The following BICC1 variants were observed in gnomAD, a reference collection of about 807,000 sequenced individuals.
The protein encoded by BICC1 is BicC family RNA binding protein 1, also known as protein bicaudal C homolog 1.
In BICC1, 43 loss-of-function variants were observed where a neutral mutation model predicts 111.0. The observed-to-expected ratio is 0.39, with a 90% CI of 0.30 to 0.50. BICC1 has a LOEUF of 0.50. Ranked by LOEUF, BICC1 falls within the 20% of genes least tolerant of loss-of-function variation. BICC1 has a pLI of 0.88. For missense variants in BICC1, 1,091 were observed against 1,203.2 expected (o/e 0.91, Z 1.38); for synonymous variants, 467 against 434.4 (o/e 1.07, Z -0.93).
At chr10:58,771,461 G>T (rs1274373393) in intron 3 of BICC1, among the ~76,000 whole-genome samples, 1 of 152,104 alleles carries the variant, frequency 6.6e-6, no homozygotes, top group Non-Finnish European at 1.5e-5. Flanking sequence ...CAGGTATATG[G>T]ATAATGGGGT....
chr10:58,590,021 G>A (rs921096751), intron 1 of BICC1, among the ~76,000 whole-genome samples: 8 of 151,972 alleles, frequency 5.3e-5, no homozygotes, highest in Non-Finnish European at 7.4e-5. Context: ...TTTATTTCCA[G>A]GAAATCTACA....
At chr10:58,537,224 G>A (rs1842848557) in intron 1 of BICC1, among the ~76,000 whole-genome samples, 5 of 151,736 alleles carry the variant, frequency 3.3e-5, no homozygotes, top group Admixed American at 6.6e-5. Flanking sequence ...GACCCAGTCA[G>A]TATCATCCTG....
At chr10:58,618,619 G>A (rs912207650) in intron 1 of BICC1, among the ~76,000 whole-genome samples, 2 of 152,194 alleles carry the variant, frequency 1.3e-5, no homozygotes, top group African/African-American at 4.8e-5. Context: ...CCTCCCCTTG[G>A]TCTCCCGCTT....
At position 58,661,331 on chromosome 10, in the gene BICC1, A is replaced by G. The variant is rs539181902; in HGVS notation, c.237+40430A>G. ...ATGTCATTTCTCTCTGGAGTTTAGA[A>G]ATGGCATTTTAAAGGCATCAGGCAT... is the stretch of plus-strand genomic sequence containing the variant. On this transcript the variant is annotated intron_variant, in intron 2 of 20. Transcript: ENST00000373886. Among the ~76,000 whole-genome samples, 3 of 151,968 alleles carry G rather than the reference A, an allele frequency of 2.0e-5. No homozygotes were observed. The East Asian group carries it at 5.8e-4, about 29-fold the overall frequency.
intron 2 of BICC1, among the ~76,000 whole-genome samples, chr10:58,625,118 G>T (rs1007407117): frequency 6.6e-6 from 1 of 152,140 alleles, no homozygotes; most frequent in Non-Finnish European, 1.5e-5. Flanking sequence ...GGCGGGAATG[G>T]ATATAACTTT....
intron 1 of BICC1, among the ~76,000 whole-genome samples, chr10:58,607,610 G>A (rs1019892050): frequency 4.0e-5 from 6 of 151,058 alleles, no homozygotes; most frequent in Admixed American, 3.3e-4. Flanking sequence ...TTCCCCATCG[G>A]CCTCCCTCAC....
chr10:58,576,658 A>T (rs1258603294), intron 1 of BICC1, among the ~76,000 whole-genome samples: 1 of 152,186 alleles, frequency 6.6e-6, no homozygotes, highest in Non-Finnish European at 1.5e-5. Flanking sequence ...ATGGTGTTAT[A>T]CATTGTTACA....
chr10:58,728,684 T>A (rs2393490), intron 3 of BICC1, among the ~76,000 whole-genome samples: 1 of 152,060 alleles, frequency 6.6e-6, no homozygotes, highest in East Asian at 1.9e-4. Flanking sequence ...TCAGCTATAG[T>A]CTTACAAAAT....
At chr10:58,649,034 C>T (rs1218877086) in intron 2 of BICC1, among the ~76,000 whole-genome samples, 8 of 152,116 alleles carry the variant, frequency 5.3e-5, no homozygotes, top group Non-Finnish European at 1.0e-4. Flanking sequence ...TACAAACCAC[C>T]CTACTACCCT....
At chr10:58,690,302 A>C (rs1831010890) in intron 2 of BICC1, among the ~76,000 whole-genome samples, 1 of 151,972 alleles carries the variant, frequency 6.6e-6, no homozygotes, top group African/African-American at 2.4e-5. Flanking sequence ...AAAGAGATAC[A>C]TTTTTCTTAC....
chr10:58,734,506 G>A (rs906572997), intron 3 of BICC1, among the ~76,000 whole-genome samples: 37 of 152,188 alleles, frequency 2.4e-4, no homozygotes, highest in African/African-American at 8.9e-4. Flanking sequence ...GTGAAGAGGA[G>A]CCATCATGAT....
intron 2 of BICC1, among the ~76,000 whole-genome samples, chr10:58,685,842 T>C (rs1049540104): frequency 6.6e-6 from 1 of 152,236 alleles, no homozygotes; most frequent in Non-Finnish European, 1.5e-5. Flanking sequence ...TGTCTTTTAA[T>C]TGGAGCATTT....
Position 58,789,712 on chromosome 10 carries a change from G to T in BICC1, c.826G>T (p.Ala276Ser), listed in dbSNP as rs746252530. 21 of 1,613,980 alleles carry T rather than the reference G, an allele frequency of 1.3e-5. No homozygotes were observed. Among genetic ancestry groups the T allele is most frequent in the Admixed American group, 1.7e-5 (1 of 60,004 alleles). Residue 276 changes from alanine to serine, a missense_variant, in exon 8 of 21, where the codon GCT (alanine) becomes TCT (serine). Physicochemically the swap from Ala to Ser is moderately conservative, Grantham distance 99. Transcript: ENST00000373886. Reference sequence around the variant, plus strand: ...AACTGCCATGCTGTTAGAACATCTTGCTGGGAGCTTAGCATCAGCTATTCC... The same window carrying T: ...AACTGCCATGCTGTTAGAACATCTTTCTGGGAGCTTAGCATCAGCTATTCC... The part of the protein sequence containing the change: ...EGTAMLLEHL[A>S]GSLASAIPVS...
intron 1 of BICC1, among the ~76,000 whole-genome samples, chr10:58,620,582 C>T (rs188646601): frequency 4.6e-5 from 7 of 152,254 alleles, no homozygotes; most frequent in African/African-American, 7.2e-5. Context: ...TATGAAAGGA[C>T]GAGATCACTT....
At chr10:58,657,980 G>T (rs938394348) in intron 2 of BICC1, among the ~76,000 whole-genome samples, 1 of 151,378 alleles carries the variant, frequency 6.6e-6, no homozygotes, top group African/African-American at 2.4e-5. Flanking sequence ...TCTTCTCAGT[G>T]TGTCACCTTA....
chr10:58,824,516 C>T (rs2132986914), intron 20 of BICC1, among the ~76,000 whole-genome samples: 1 of 152,248 alleles, frequency 6.6e-6, no homozygotes, highest in South Asian at 2.1e-4. Flanking sequence ...GGGTATTGGT[C>T]ATCCTCCAGA....
chr10:58,665,766 A>G (rs7907093), intron 2 of BICC1, among the ~76,000 whole-genome samples: 54 of 152,304 alleles, frequency 3.5e-4, no homozygotes, highest in African/African-American at 1.3e-3. Flanking sequence ...GCTGTAGACC[A>G]CCAGGTATTA....
chr10:58,609,862 A>T (rs976362986), intron 1 of BICC1, among the ~76,000 whole-genome samples: 4 of 152,132 alleles, frequency 2.6e-5, no homozygotes, highest in African/African-American at 4.8e-5. Context: ...TTGTTTTTCT[A>T]AAAAAACATT....
chr10:58,606,073 A>G (rs551684060), intron 1 of BICC1, among the ~76,000 whole-genome samples: 4 of 151,704 alleles, frequency 2.6e-5, no homozygotes, highest in Non-Finnish European at 4.4e-5. Flanking sequence ...TTCCCTGACA[A>G]CTTTCCTCTT....
Sources: gnomAD v4.1 joint callset for allele counts (sites outside exome capture counted in the v4.1 genomes callset) on GRCh38, gnomAD v4.1.1 for gene constraint, MANE v1.5 for transcripts, NCBI Gene and HGNC (gene_info 2026-07-23, HGNC 2026-07-21) for gene names.